Variants in ZFP1 observed in about 807,000 individuals in gnomAD.
ZFP1 encodes ZFP1 zinc finger protein, also known as zinc finger protein 1 homolog.
Under a neutral mutation model 38.5 loss-of-function variants are expected in ZFP1, and 32 were observed. The observed-to-expected ratio is 0.83, with a 90% CI of 0.63 to 1.12. The LOEUF is 1.12. Ranked by LOEUF, ZFP1 falls within the 50% of genes most tolerant of loss-of-function variation. The probability of loss-of-function intolerance (pLI) is 0.00; values close to 1 mark genes in which losing one functional copy is unlikely to be tolerated. For missense variants in ZFP1, 616 were observed against 480.8 expected, an observed-to-expected ratio of 1.28 and a Z score of -2.63; for synonymous variants, 245 against 168.8, an observed-to-expected ratio of 1.45 and a Z score of -3.50.
the ZFP1 span, among the ~76,000 whole-genome samples, chr16:75,120,283 C>G: frequency 5.9e-5 from 9 of 152,100 alleles, no homozygotes; most frequent in African/African-American, 2.2e-4. Context: ...ATTCTGTTTT[C>G]TTCATTTACT....
intron 2 of ZFP1, among the ~76,000 whole-genome samples, chr16:75,159,958 G>C (rs1029960008): frequency 6.6e-6 from 1 of 152,132 alleles, no homozygotes; most frequent in African/African-American, 2.4e-5. Flanking sequence ...CTGTTTGCCA[G>C]TATCTCTATC....
chr16:75,148,888 TTC>T (rs1189061130), intron 1 of ZFP1: 1 of 152,176 alleles, frequency 6.6e-6, no homozygotes, highest in African/African-American at 2.4e-5. Context: ...CTTCGCCTTC[TTC>T]TCTTTGTCAG....
At chr16:75,134,004 G>A in the ZFP1 span, among the ~76,000 whole-genome samples, 32 of 152,162 alleles carry the variant, frequency 2.1e-4, no homozygotes, top group Non-Finnish European at 3.1e-4. Context: ...AGCCAAGATC[G>A]TGCCACTGCA....
chr16:75,167,031 G>T (rs1248684248), intron 3 of ZFP1, 135 bp downstream of exon 3: 33 of 1,467,880 alleles, frequency 2.2e-5, no homozygotes, highest in Non-Finnish European at 2.9e-5. Flanking sequence ...GAGAGATCTT[G>T]CAGCCTTTAA....
the ZFP1 span, among the ~76,000 whole-genome samples, chr16:75,134,985 C>T: frequency 8.6e-5 from 13 of 151,194 alleles, no homozygotes; most frequent in African/African-American, 1.2e-4. Flanking sequence ...ACCCAGGAGG[C>T]GGTGTTTGCG....
chr16:75,163,518 T>G (rs1323073170), intron 2 of ZFP1, among the ~76,000 whole-genome samples: 1 of 151,780 alleles, frequency 6.6e-6, no homozygotes, highest in East Asian at 1.9e-4. Context: ...CACCATGTTG[T>G]CCAGGCTGGT....
chr16:75,171,709 G>A lies in ZFP1; in HGVS notation c.*1375G>A, dbSNP rs1407080177. ...AACTGGCTTTTAAAAAATATTTTTG[G>A]ATATCATTGATGTGCTGTCACACTA... is the stretch of plus-strand genomic sequence containing the variant. On this transcript the variant is annotated 3_prime_UTR_variant, in exon 4 of 4. Transcript: ENST00000570010. 2 of 152,096 alleles carry A rather than the reference G, an allele frequency of 1.3e-5. No homozygotes were observed. The highest frequency in any genetic ancestry group is 4.8e-5 in the African/African-American group (2 of 41,410). 9.4% of individuals were successfully genotyped at this position (152,096 alleles called of 1,614,324 possible). A position where few individuals can be genotyped will look rare whatever the true frequency, so the allele number is the denominator to read the frequency against.
the ZFP1 span, among the ~76,000 whole-genome samples, chr16:75,123,429 A>ATGTGTGTGTGTG: frequency 9.8e-4 from 31 of 31,674 alleles, 2 homozygotes; most frequent in African/African-American, 3.0e-3. Context: ...ATATATAAGA[A>ATGTGTGTGTGTG]TGTGTGTGTG....
In ZFP1 at chr16:75,166,601, C is replaced by CTCAACTATTTATAAAAAT. The variant is rs1473388342; in HGVS notation, c.16-168_16-151dup. 1.0e-5 allele frequency: 10 copies of CTCAACTATTTATAAAAAT among 984,918 alleles called. No homozygotes were observed. The Admixed American group carries it at 6.2e-4, about 61-fold the overall frequency. 61.0% of individuals were successfully genotyped at this position (984,918 alleles called of 1,614,324 possible). ...GAGATATAGGGGAATCTGAATAAAT[C>CTCAACTATTTATAAAAAT]TCAACTATTTATAAAAATATATTTT... is the stretch of plus-strand genomic sequence containing the variant. On this transcript the variant is annotated intron_variant, in intron 2 of 3. Transcript: ENST00000570010.
intron 2 of ZFP1, among the ~76,000 whole-genome samples, chr16:75,157,377 G>A (rs1459073592): frequency 1.3e-5 from 2 of 150,726 alleles, no homozygotes; most frequent in East Asian, 3.9e-4. Flanking sequence ...CTAAGTAGCT[G>A]TGATTACAGG....
At chr16:75,141,195 CTTTTTTTT>C in the ZFP1 span, among the ~76,000 whole-genome samples, 4 of 67,900 alleles carry the variant, frequency 5.9e-5, no homozygotes, top group Admixed American at 4.4e-4. Flanking sequence ...TTGGGTCATT[CTTTTTTTT>C]TTTTTTTTTT....
chr16:75,167,449 C>G (rs892701977), intron 3 of ZFP1, among the ~76,000 whole-genome samples: 1 of 151,842 alleles, frequency 6.6e-6, no homozygotes, highest in East Asian at 1.9e-4. Flanking sequence ...CACTTGAACC[C>G]TGAAACTTTC....
At chr16:75,136,934 G>A in the ZFP1 span, among the ~76,000 whole-genome samples, 1 of 152,074 alleles carries the variant, frequency 6.6e-6, no homozygotes, top group Non-Finnish European at 1.5e-5. Context: ...GCACACCTTA[G>A]TATACATACA....
Position 75,169,299 on chromosome 16 carries a change from A to C in ZFP1, c.189A>C (p.Pro63=), listed in dbSNP as rs745441359. The change falls in exon 4 of 4, where the codon CCA becomes CCC. Residue 63 remains proline (P), a synonymous_variant. Transcript: ENST00000570010. ...DDQMERDHRN[P]DEQARQFLIL... ...AGATGGAGAGAGACCACAGAAACCC[A>C]GACGAGCAGGCGAGGCAATTTTTAA... 6.2e-7 allele frequency: 1 copy of C among 1,613,976 alleles called. No individual in the cohort carries two copies. The highest frequency in any genetic ancestry group is 8.5e-7 in the Non-Finnish European group (1 of 1,179,964).
At chr16:75,127,477 C>T in the ZFP1 span, among the ~76,000 whole-genome samples, 6 of 152,264 alleles carry the variant, frequency 3.9e-5, no homozygotes, top group African/African-American at 7.2e-5. Context: ...TGTACCACCA[C>T]GCCTGGCTAA....
chr16:75,123,679 T>G, the ZFP1 span, among the ~76,000 whole-genome samples: 8 of 150,764 alleles, frequency 5.3e-5, no homozygotes, highest in Non-Finnish European at 7.4e-5. Context: ...AGTTTCACTA[T>G]GTTGCCCAGG....
intron 2 of ZFP1, among the ~76,000 whole-genome samples, chr16:75,155,112 A>G (rs182263163): frequency 2.0e-5 from 3 of 152,146 alleles, no homozygotes; most frequent in Admixed American, 6.6e-5. Flanking sequence ...TTGTGTTTCA[A>G]TCTCTTAATT....
chr16:75,138,808 C>T, the ZFP1 span, among the ~76,000 whole-genome samples: 1 of 152,170 alleles, frequency 6.6e-6, no homozygotes, highest in Non-Finnish European at 1.5e-5. Flanking sequence ...AGGACCTTGC[C>T]GACACCTTGC....
intron 2 of ZFP1, among the ~76,000 whole-genome samples, chr16:75,158,413 G>A (rs2037575620): frequency 6.6e-6 from 1 of 151,762 alleles, no homozygotes; most frequent in South Asian, 2.1e-4. Context: ...CTGGAGTGAA[G>A]TGGTGTGATC....
Sources: allele counts gnomAD v4.1 joint callset (sites outside exome capture counted in the v4.1 genomes callset), GRCh38; gene constraint gnomAD v4.1.1; transcripts MANE v1.5; gene names NCBI Gene and HGNC (gene_info 2026-07-23, HGNC 2026-07-21).